Variants in MORC1 observed in about 807,000 individuals in gnomAD.
MORC1 encodes MORC family CW-type zinc finger protein 1.
MORC1 carries 59 observed loss-of-function variants against 134.9 expected under a neutral mutation model. The ratio of observed to expected loss-of-function variants is 0.44; its 90% confidence interval spans 0.35 to 0.54. MORC1 has a LOEUF of 0.54. Among genes scored for constraint, MORC1 ranks in the 20% least tolerant of loss-of-function variants. The probability of loss-of-function intolerance (pLI) is 0.00; values close to 1 mark genes in which losing one functional copy is unlikely to be tolerated. For missense variants in MORC1, 947 were observed against 1,134.5 expected, an observed-to-expected ratio of 0.83 and a Z score of 2.37; for synonymous variants, 395 against 391.7, an observed-to-expected ratio of 1.01 and a Z score of -0.10.
chr3:109,021,885 T>C (rs1288135576), intron 17 of MORC1, among the ~76,000 whole-genome samples: 3 of 152,128 alleles, frequency 2.0e-5, no homozygotes, highest in Admixed American at 2.0e-4. Context: ...TAGTAGGAGG[T>C]ACACAGAAGA....
intron 16 of MORC1, among the ~76,000 whole-genome samples, chr3:109,032,049 A>T (rs190453575): frequency 5.9e-5 from 9 of 152,172 alleles, no homozygotes; most frequent in Admixed American, 1.3e-4. Flanking sequence ...AGAGCTAGAT[A>T]AAAAAATAAC....
At chr3:109,003,391 GCACACACACACACACA>G (rs3054383) in intron 20 of MORC1, among the ~76,000 whole-genome samples, 2 of 146,650 alleles carry the variant, frequency 1.4e-5, no homozygotes, top group African/African-American at 5.0e-5. Flanking sequence ...ATATGTGTAT[GCACACACACACACACA>G]CACACACACA....
At chr3:109,110,838 A>G in intron 2 of MORC1, 55 bp from the exon 3 acceptor site, 1 of 1,325,966 alleles carries the variant, frequency 7.5e-7, no homozygotes, top group Non-Finnish European at 1.0e-6. Context: ...TGCTTACATA[A>G]GGTATAACCT....
At chr3:109,079,094 G>A (rs527986437) in intron 8 of MORC1, among the ~76,000 whole-genome samples, 1 of 151,912 alleles carries the variant, frequency 6.6e-6, no homozygotes, top group East Asian at 1.9e-4. Context: ...ATAGAAATGG[G>A]GGAAGAAATT....
chr3:108,988,507 T>C (rs1034098523), intron 21 of MORC1, among the ~76,000 whole-genome samples: 8 of 152,274 alleles, frequency 5.3e-5, no homozygotes, highest in African/African-American at 1.7e-4. Context: ...GATGCACTGA[T>C]ATATAAGGAA....
chr3:109,092,586 A>G (rs560141482), intron 8 of MORC1, among the ~76,000 whole-genome samples: 13 of 152,334 alleles, frequency 8.5e-5, no homozygotes, highest in Admixed American at 2.0e-4. Context: ...AATACAAAAT[A>G]TCATCAATAT....
intron 17 of MORC1, among the ~76,000 whole-genome samples, chr3:109,009,499 T>C (rs1160280360): frequency 6.6e-6 from 1 of 152,168 alleles, no homozygotes; most frequent in African/African-American, 2.4e-5. Flanking sequence ...CCACCACGCC[T>C]GGCCCTTTCC....
intron 17 of MORC1, among the ~76,000 whole-genome samples, chr3:109,007,540 GCACT>G (rs1948571035): frequency 6.6e-6 from 1 of 152,096 alleles, no homozygotes; most frequent in Non-Finnish European, 1.5e-5. Flanking sequence ...TGTCCTTAAC[GCACT>G]CAATGCCCAA....
At chr3:108,998,071 T>C (rs16855162) in intron 21 of MORC1, among the ~76,000 whole-genome samples, 1,725 of 152,314 alleles carry the variant, frequency 0.011, 24 homozygotes, top group African/African-American at 0.039. Flanking sequence ...ATCTCTGTCA[T>C]GTCTCTTGGG....
chr3:109,059,589 A>G (rs1011064232), intron 12 of MORC1, among the ~76,000 whole-genome samples: 1 of 152,146 alleles, frequency 6.6e-6, no homozygotes, highest in Non-Finnish European at 1.5e-5. Flanking sequence ...TTTTAACATT[A>G]TGTAGACACA....
chr3:108,998,418 C>T (rs1948298958), intron 21 of MORC1, among the ~76,000 whole-genome samples: 1 of 152,158 alleles, frequency 6.6e-6, no homozygotes, highest in African/African-American at 2.4e-5. Flanking sequence ...AACCAGTAAA[C>T]TTGCCAAAAT....
In MORC1 at chr3:109,093,518, A is replaced by T; in HGVS notation, c.607T>A (p.Leu203Met). 1 of 1,613,604 alleles carries T rather than the reference A, an allele frequency of 6.2e-7. No homozygotes were observed. The highest frequency in any genetic ancestry group is 8.5e-7 in the Non-Finnish European group (1 of 1,179,578). The change falls in exon 8 of 28, where the codon TTG (leucine) becomes ATG (methionine). Residue 203 changes from leucine (L) to methionine (M), a missense_variant. Physicochemically the swap from Leu to Met is conservative, Grantham distance 15 (BLOSUM62 2). This residue lies in a region of MORC1 where 214 missense variants were observed against 281.3 expected (regional missense o/e 0.76). Coordinates refer to ENST00000232603, the MANE Select transcript of MORC1 (RefSeq NM_014429.4). ...GGTTCTCCATTAAGCAGAAGCTTCA[A>T]GTTATAAATAACCAGCAAAGTACCT... The part of the protein sequence containing the change: ...KCGTLLVIYN[L>M]KLLLNGEPEL...
intron 14 of MORC1, among the ~76,000 whole-genome samples, chr3:109,041,030 C>T (rs1466108139): frequency 1.3e-5 from 2 of 150,838 alleles, no homozygotes; most frequent in East Asian, 3.9e-4. Flanking sequence ...AGAGAAGAGC[C>T]ACCAGGTGTG....
At chr3:109,056,771 T>C (rs1220713283) in intron 13 of MORC1, among the ~76,000 whole-genome samples, 1 of 152,194 alleles carries the variant, frequency 6.6e-6, no homozygotes, top group African/African-American at 2.4e-5. Flanking sequence ...ACCCATTCTA[T>C]TGGTCATGAT....
intron 1 of MORC1, among the ~76,000 whole-genome samples, chr3:109,115,150 C>T (rs1951243073): frequency 6.6e-6 from 1 of 152,240 alleles, no homozygotes; most frequent in Admixed American, 6.5e-5. Flanking sequence ...AATCAGCAAC[C>T]TTATCACAGC....
At chr3:109,077,301 T>C (rs1028962725) in intron 8 of MORC1, among the ~76,000 whole-genome samples, 1 of 152,154 alleles carries the variant, frequency 6.6e-6, no homozygotes, top group Non-Finnish European at 1.5e-5. Context: ...ATGGAAGATA[T>C]AGTAGTAAAC....
chr3:109,068,808 T>C (rs902528152), intron 9 of MORC1, among the ~76,000 whole-genome samples: 7 of 152,160 alleles, frequency 4.6e-5, no homozygotes, highest in Non-Finnish European at 1.0e-4. Context: ...TCTGATGGCA[T>C]GCATGGTTGG....
intron 3 of MORC1, among the ~76,000 whole-genome samples, chr3:109,107,043 T>G (rs1405474648): frequency 6.6e-6 from 1 of 152,174 alleles, no homozygotes; most frequent in Admixed American, 6.6e-5. Context: ...AACACTCCCC[T>G]TGAACAAATC....
At chr3:109,059,370 G>C (rs1053289495) in intron 12 of MORC1, among the ~76,000 whole-genome samples, 3 of 151,926 alleles carry the variant, frequency 2.0e-5, no homozygotes, top group Non-Finnish European at 4.4e-5. Context: ...ATACATTCAC[G>C]TGAAACATTA....
Sources: gnomAD v4.1 joint callset for allele counts (sites outside exome capture counted in the v4.1 genomes callset) on GRCh38, gnomAD v4.1.1 for gene constraint, gnomAD v4.1.1 regional missense constraint, MANE v1.5 for transcripts, NCBI Gene and HGNC (gene_info 2026-07-23, HGNC 2026-07-21) for gene names.